SOX5: variants seen among roughly 807,000 people sequenced by gnomAD.
SOX5 encodes the protein SRY-box transcription factor 5.
In SOX5, 9 loss-of-function variants were observed where a neutral mutation model predicts 92.0. That is an observed-to-expected ratio of 0.10 (90% confidence interval 0.06 to 0.17). The LOEUF (loss-of-function observed/expected upper bound fraction) is 0.17, where lower values mean the gene tolerates loss of function less well. SOX5 is among the 10% of genes least tolerant of loss of function. The pLI is 1.00. For missense variants in SOX5, 642 were observed against 944.5 expected, an observed-to-expected ratio of 0.68 and a Z score of 4.20; for synonymous variants, 344 against 336.3, an observed-to-expected ratio of 1.02 and a Z score of -0.25.
chr12:24,530,687 T>A (rs1282163881), intron 1 of SOX5, among the ~76,000 whole-genome samples: 1 of 146,908 alleles, frequency 6.8e-6, no homozygotes, highest in African/African-American at 2.5e-5. Context: ...CCTTCTCTAC[T>A]CGTATCTAAT....
chr12:24,354,798 A>C (rs1595873870), intron 2 of SOX5, among the ~76,000 whole-genome samples: 1 of 152,348 alleles, frequency 6.6e-6, no homozygotes, highest in East Asian at 1.9e-4. Context: ...GTTTGGCCGC[A>C]GATAATCTAA....
chr12:24,070,228 C>G (rs1004609745), intron 4 of SOX5, among the ~76,000 whole-genome samples: 5 of 152,154 alleles, frequency 3.3e-5, no homozygotes, highest in Non-Finnish European at 5.9e-5. Context: ...CGCTCCCTCC[C>G]CCTCCATTTC....
rs188741826 is a variant in SOX5 at position 23,969,886 on chromosome 12, C to T, written c.-1-73862G>A. ...TTCTTTTGGTTTACTACCAAACCAGCGAACAAACAGTACAAATGTTTTACA... is the reference window on the plus strand; with the variant it reads ...TTCTTTTGGTTTACTACCAAACCAGTGAACAAACAGTACAAATGTTTTACA... On this transcript the variant is annotated intron_variant, in intron 4 of 4. Transcript: ENST00000446891. Among the ~76,000 whole-genome samples, 86 of 152,238 alleles carry T rather than the reference C, an allele frequency of 5.6e-4. 1 individual carries two copies. The East Asian group carries it at 0.013, about 24-fold the overall frequency.
At chr12:24,318,730 C>T (rs1421031998) in intron 2 of SOX5, among the ~76,000 whole-genome samples, 1 of 152,118 alleles carries the variant, frequency 6.6e-6, no homozygotes, top group African/African-American at 2.4e-5. Context: ...GTCCCTAGTA[C>T]ATAACAAACA....
chr12:24,510,066 A>G (rs1023938050), intron 1 of SOX5, among the ~76,000 whole-genome samples: 12 of 152,246 alleles, frequency 7.9e-5, no homozygotes, highest in Non-Finnish European at 1.6e-4. Flanking sequence ...TGTCATCTGA[A>G]TGAGAAGTTT....
At chr12:24,523,400 C>T (rs1275226292) in intron 1 of SOX5, among the ~76,000 whole-genome samples, 6 of 152,100 alleles carry the variant, frequency 3.9e-5, no homozygotes, top group Admixed American at 6.6e-5. Flanking sequence ...ATAAAATTCA[C>T]ATGAACCCAC....
At chr12:23,937,657 C>T (rs1424959810) in intron 1 of SOX5, among the ~76,000 whole-genome samples, 4 of 150,818 alleles carry the variant, frequency 2.7e-5, no homozygotes, top group Admixed American at 2.0e-4. Flanking sequence ...TTAGTGTTGT[C>T]TGGTATTATT....
At chr12:23,798,210 A>G (rs752396158) in intron 3 of SOX5, among the ~76,000 whole-genome samples, 3 of 152,008 alleles carry the variant, frequency 2.0e-5, no homozygotes, top group Non-Finnish European at 2.9e-5. Context: ...AGGCGTTTCT[A>G]TCTTGTCCAC....
At chr12:24,542,983 T>G (rs377075137) in intron 1 of SOX5, among the ~76,000 whole-genome samples, 33 of 152,374 alleles carry the variant, frequency 2.2e-4, no homozygotes, top group African/African-American at 7.9e-4. Flanking sequence ...CTGAGTTCTA[T>G]ACCAATTAAT....
chr12:23,730,348 A>G (rs1490596900), intron 6 of SOX5, among the ~76,000 whole-genome samples: 1 of 152,192 alleles, frequency 6.6e-6, no homozygotes, highest in Admixed American at 6.6e-5. Context: ...GTATCTTTTA[A>G]GTCAATAAAC....
chr12:23,576,473 T>C (rs1393199487), intron 9 of SOX5, among the ~76,000 whole-genome samples: 2 of 152,226 alleles, frequency 1.3e-5, no homozygotes, highest in Admixed American at 1.3e-4. Context: ...TATTTATATG[T>C]CATACTGTTC....
intron 2 of SOX5, among the ~76,000 whole-genome samples, chr12:24,281,479 G>A (rs1219711948): frequency 1.3e-5 from 2 of 152,098 alleles, no homozygotes; most frequent in Non-Finnish European, 2.9e-5. Flanking sequence ...CATTTTCTAC[G>A]GCTGGGCCGC....
intron 4 of SOX5, among the ~76,000 whole-genome samples, chr12:24,029,112 CTT>C (rs1955202746): frequency 6.6e-6 from 1 of 151,848 alleles, no homozygotes; most frequent in South Asian, 2.1e-4. Flanking sequence ...TAAATGTAGA[CTT>C]TTCCAATGAT....
At chr12:24,358,224 C>A (rs1239157180) in intron 2 of SOX5, among the ~76,000 whole-genome samples, 1 of 152,126 alleles carries the variant, frequency 6.6e-6, no homozygotes, top group Admixed American at 6.5e-5. Flanking sequence ...ATGTGGGACA[C>A]CTCAATAATT....
chr12:23,694,331 C>T (rs987529918), intron 6 of SOX5, among the ~76,000 whole-genome samples: 9 of 152,132 alleles, frequency 5.9e-5, no homozygotes, highest in Non-Finnish European at 1.3e-4. Flanking sequence ...TAAATATTAA[C>T]TCATTTATTG....
intron 4 of SOX5, among the ~76,000 whole-genome samples, chr12:23,745,688 T>C (rs2093958139): frequency 6.6e-6 from 1 of 152,184 alleles, no homozygotes; most frequent in South Asian, 2.1e-4. Flanking sequence ...ATGCTCCAGC[T>C]CATGCATCTT....
At chr12:23,894,927 T>A (rs1595448559) in intron 2 of SOX5, among the ~76,000 whole-genome samples, 1 of 152,280 alleles carries the variant, frequency 6.6e-6, no homozygotes, top group East Asian at 1.9e-4. Flanking sequence ...AAAAATGTGA[T>A]CCACCCAAGC....
At chr12:23,694,589 A>G (rs1206971487) in intron 6 of SOX5, among the ~76,000 whole-genome samples, 3 of 152,176 alleles carry the variant, frequency 2.0e-5, no homozygotes, top group African/African-American at 7.2e-5. Flanking sequence ...CAATAAATAC[A>G]ATAATGTAAT....
chr12:23,604,272 C>G (rs1020463244), intron 9 of SOX5, 115 bp downstream of exon 9: 1 of 1,069,606 alleles, frequency 9.3e-7, no homozygotes, highest in East Asian at 2.4e-5. Flanking sequence ...TGATTCTTAC[C>G]TCCTTGTACA....
Sources: gnomAD v4.1 joint callset for allele counts (sites outside exome capture counted in the v4.1 genomes callset) on GRCh38, gnomAD v4.1.1 for gene constraint, MANE v1.5 for transcripts, NCBI Gene and HGNC (gene_info 2026-07-23, HGNC 2026-07-21) for gene names.